The following KLC1 variants were observed in gnomAD, a reference collection of about 807,000 sequenced individuals.
KLC1 encodes kinesin 2 60/70kDa.
A neutral mutation model predicts 84.2 loss-of-function variants in KLC1; 30 were observed. The observed-to-expected ratio is 0.36, with a 90% confidence interval of 0.27 to 0.48. The LOEUF is 0.48. KLC1 is among the 20% of genes least tolerant of loss of function. The pLI is 0.99. For synonymous variants in KLC1, 289 were observed against 293.3 expected, an observed-to-expected ratio of 0.99 and a Z score of 0.15; for missense variants, 499 against 805.4, an observed-to-expected ratio of 0.62 and a Z score of 4.60.
intron 1 of KLC1, among the ~76,000 whole-genome samples, chr14:103,648,894 T>C (rs2078164254): frequency 6.6e-6 from 1 of 152,174 alleles, no homozygotes; most frequent in African/African-American, 2.4e-5. Context: ...CCCAGTTCTT[T>C]GGGAGGCCGA....
intron 1 of KLC1, among the ~76,000 whole-genome samples, chr14:103,638,795 T>G (rs562060525): frequency 6.1e-5 from 9 of 146,954 alleles, no homozygotes; most frequent in South Asian, 2.2e-4. Flanking sequence ...ACAGTGGGGG[T>G]GTGTGTGCGT....
intron 12 of KLC1, 183 bp from the exon 13 acceptor site, chr14:103,679,200 TC>T: frequency 1.5e-6 from 1 of 688,998 alleles, no homozygotes; most frequent in East Asian, 2.7e-5. Context: ...CTCTGAGGGG[TC>T]CTTTGTGTTT....
chr14:103,700,539 G>A, intron 15 of KLC1, 116 bp from the exon 16 acceptor site: 1 of 819,092 alleles, frequency 1.2e-6, no homozygotes. Context: ...GGGCCCCTAG[G>A]CTGTCCCTCA....
chr14:103,657,527 C>G lies in KLC1; in HGVS notation c.262-19C>G. On this transcript the variant is annotated intron_variant, in intron 2 of 16. Coordinates refer to ENST00000334553, the MANE Select transcript of KLC1 (RefSeq NM_001394837.1). ...CTGGACAACGTGCCACAGTGCTGCA[C>G]ACGTTTCTGTCTGCTCAGGTTATGA... 6.2e-7 allele frequency: 1 copy of G among 1,602,920 alleles called. No individual in the cohort carries two copies. Among genetic ancestry groups the G allele is most frequent in the Non-Finnish European group, 8.5e-7 (1 of 1,170,158 alleles).
Position 103,679,413 on chromosome 14 carries a change from G to A in KLC1, c.1518G>A (p.Val506=). 6.2e-7 allele frequency: 1 copy of A among 1,614,066 alleles called. No individual in the cohort carries two copies. Among genetic ancestry groups the A allele is most frequent in the Non-Finnish European group, 8.5e-7 (1 of 1,180,026 alleles). ...TTGACAATGTTCACAAACAGAGGGT[G>A]GCAGAAGTGCTCAATGACCCTGAGA... ...QGLDNVHKQR[V]AEVLNDPENM... The change falls in exon 13 of 17, where the codon GTG becomes GTA. Residue 506 remains valine, a synonymous_variant. Transcript: ENST00000334553.
At chr14:103,659,806 A>G (rs1041073900) in intron 3 of KLC1, among the ~76,000 whole-genome samples, 3 of 152,060 alleles carry the variant, frequency 2.0e-5, no homozygotes, top group African/African-American at 4.8e-5. Context: ...GGATGGCTTA[A>G]CATTTATTTT....
chr14:103,688,597 T>C (rs1028901941), intron 14 of KLC1, among the ~76,000 whole-genome samples: 2 of 152,306 alleles, frequency 1.3e-5, no homozygotes, highest in African/African-American at 2.4e-5. Context: ...CCCTTAGTGG[T>C]AGGGCTCACC....
At chr14:103,685,686 C>T (rs2151818330) in intron 13 of KLC1, 1 of 1,289,544 alleles carries the variant, frequency 7.8e-7, no homozygotes, top group Non-Finnish European at 1.0e-6. Context: ...ACGGGTGGCG[C>T]CTCCCGCAGC....
rs1266769891 is a variant in KLC1, at chr14:103,693,468, G to A, written c.1848+1043G>A. ...CAACCTAGATTTAGCTGTGCAGCTG[G>A]TACTGTTAGGCCTGAGGCCATTTGA... On this transcript the variant is annotated intron_variant, in intron 15 of 16. Transcript: ENST00000334553. The surrounding 1 kb of genome is among the most constrained non-coding windows in gnomAD (Gnocchi z 5.1). 3.9e-6 allele frequency: 6 copies of A among 1,527,114 alleles called. No individual in the cohort carries two copies. Among genetic ancestry groups the A allele is most frequent in the Non-Finnish European group, 4.4e-6 (5 of 1,142,112 alleles). 94.6% of individuals were successfully genotyped at this position (1,527,114 alleles called of 1,614,324 possible).
intron 1 of KLC1, among the ~76,000 whole-genome samples, chr14:103,640,279 C>T (rs572861139): frequency 4.0e-5 from 6 of 151,186 alleles, no homozygotes; most frequent in African/African-American, 1.2e-4. Context: ...AGGCTGGTCT[C>T]GATCTCCTGA....
intron 5 of KLC1, among the ~76,000 whole-genome samples, chr14:103,664,045 T>C (rs943004247): frequency 2.6e-5 from 4 of 152,250 alleles, no homozygotes; most frequent in Non-Finnish European, 5.9e-5. Context: ...CTCTGTAGTT[T>C]GTCAGCAGCT....
Position 103,694,380 on chromosome 14 carries a change from T to G in KLC1, c.1848+1955T>G, listed in dbSNP as rs2082302326. 1 of 942,656 alleles carries G rather than the reference T, an allele frequency of 1.1e-6. No homozygotes were observed. The highest frequency in any genetic ancestry group is 1.3e-6 in the Non-Finnish European group (1 of 791,634). The allele number at this position is 942,656 out of a possible 1,614,324, so 58.4% of individuals were successfully genotyped here. A position where few individuals can be genotyped will look rare whatever the true frequency, so the allele number is the denominator to read the frequency against. On this transcript the variant is annotated intron_variant, in intron 15 of 16. Coordinates refer to ENST00000334553, the MANE Select transcript of KLC1 (RefSeq NM_001394837.1). The surrounding 1 kb of genome is among the most constrained non-coding windows in gnomAD (Gnocchi z 4.5). ...CATTCTCCTGCCTCAGCCTCCCGAG[T>G]AGCTGGGACTACAGGCACCCGCCAG...
Position 103,662,832 on chromosome 14 carries a change from C to T in KLC1, c.702C>T (p.Pro234=). Residue 234 remains proline (P), a synonymous_variant, in exon 5 of 17, where the codon CCC becomes CCT. Transcript: ENST00000334553. ...AGGGGCGCTACGAGGTAGCTGTGCC[C>T]CTCTGCAAGCAGGCCCTGGAGGACC... The part of the protein sequence containing the change: ...ASQGRYEVAV[P]LCKQALEDLE... 2 of 1,613,178 alleles carry T rather than the reference C, an allele frequency of 1.2e-6. No individual in the cohort carries two copies. Among genetic ancestry groups the T allele is most frequent in the South Asian group, 1.1e-5 (1 of 90,998 alleles).
At chr14:103,635,893 G>A (rs2077007178) in intron 1 of KLC1, among the ~76,000 whole-genome samples, 1 of 151,988 alleles carries the variant, frequency 6.6e-6, no homozygotes, top group Admixed American at 6.6e-5. Flanking sequence ...TTTTTGCTTC[G>A]CGGTATAAGC....
chr14:103,631,901 A>C (rs1388433995), intron 1 of KLC1, among the ~76,000 whole-genome samples: 1 of 152,154 alleles, frequency 6.6e-6, no homozygotes, highest in Non-Finnish European at 1.5e-5. Context: ...ACCTGGGCTG[A>C]AACCAGTATT....
intron 14 of KLC1, among the ~76,000 whole-genome samples, chr14:103,690,496 C>T (rs765073615): frequency 1.1e-4 from 16 of 152,222 alleles, no homozygotes; most frequent in Non-Finnish European, 1.9e-4. Context: ...GCACTGCTGA[C>T]ACACGGGTGG....
At chr14:103,633,450 A>G (rs1189538819) in intron 1 of KLC1, among the ~76,000 whole-genome samples, 1 of 152,150 alleles carries the variant, frequency 6.6e-6, no homozygotes, top group Non-Finnish European at 1.5e-5. Context: ...GAGGTTAATT[A>G]GGAAGCCATT....
intron 1 of KLC1, among the ~76,000 whole-genome samples, chr14:103,641,137 C>G (rs1240305719): frequency 1.3e-5 from 2 of 152,102 alleles, no homozygotes; most frequent in Non-Finnish European, 2.9e-5. Flanking sequence ...GTTGGCCATG[C>G]TGGTCTCGAA....
Position 103,693,688 on chromosome 14 carries a change from C to A in KLC1, c.1848+1263C>A. On this transcript the variant is annotated intron_variant, in intron 15 of 16. Coordinates refer to ENST00000334553, the MANE Select transcript of KLC1 (RefSeq NM_001394837.1). This position sits in a 1 kb window ranked among gnomAD's most constrained non-coding sequence, Gnocchi z 5.1. ...CCCGCCCTGCCACGCCCCTCACCGC[C>A]CTGCCCGGAGGCGCCAGCCGCACTC... 1 of 1,518,664 alleles carries A rather than the reference C, an allele frequency of 6.6e-7. No individual in the cohort carries two copies. The highest frequency in any genetic ancestry group is 1.2e-5 in the South Asian group (1 of 82,930). The allele number at this position is 1,518,664 out of a possible 1,614,324, so 94.1% of individuals were successfully genotyped here.
Sources: gnomAD v4.1 joint callset for allele counts (sites outside exome capture counted in the v4.1 genomes callset) on GRCh38, gnomAD v4.1.1 for gene constraint, Gnocchi (gnomAD v3.1) non-coding constraint, MANE v1.5 for transcripts, NCBI Gene and HGNC (gene_info 2026-07-23, HGNC 2026-07-21) for gene names.